The following DDX11 variants were observed in gnomAD, a reference collection of about 807,000 sequenced individuals.
The protein encoded by DDX11 is ATP-dependent DNA helicase DDX11.
DDX11 carries 72 observed loss-of-function variants against 125.2 expected under a neutral mutation model. The observed-to-expected ratio is 0.58, with a 90% CI of 0.48 to 0.70. The LOEUF is 0.70. DDX11 is among the 30% of genes least tolerant of loss of function. The probability of loss-of-function intolerance (pLI) is 0.00; values close to 1 mark genes in which losing one functional copy is unlikely to be tolerated. For missense variants in DDX11, 883 were observed against 1,165.0 expected (o/e 0.76, Z 3.52); for synonymous variants, 347 against 452.6 (o/e 0.77, Z 2.96).
At chr12:31,099,080 C>CTTTTTTTTTTTTTTTTTTTTTTTTTTTT (rs1467965765) in intron 18 of DDX11, among the ~76,000 whole-genome samples, 2 of 81,318 alleles carry the variant, frequency 2.5e-5, no homozygotes, top group African/African-American at 6.3e-5. Context: ...TTCTTTCTTT[C>CTTTTTTTTTTTTTTTTTTTTTTTTTTTT]TTTCTTTTTT....
At chr12:31,092,652 T>C (rs973393586) in intron 10 of DDX11, among the ~76,000 whole-genome samples, 194 bp from the exon 11 acceptor site, 1 of 152,158 alleles carries the variant, frequency 6.6e-6, no homozygotes, top group African/African-American at 2.4e-5. Context: ...AAACTTCCCT[T>C]CCTTCCCTTT....
chr12:31,097,243 G>A (rs1311902489), intron 17 of DDX11, among the ~76,000 whole-genome samples: 1 of 151,824 alleles, frequency 6.6e-6, no homozygotes, highest in East Asian at 1.9e-4. Flanking sequence ...CGAGGAGCTG[G>A]GATGGGGGTC....
At chr12:31,086,917 C>T (rs1049249183) in intron 5 of DDX11, among the ~76,000 whole-genome samples, 2 of 135,634 alleles carry the variant, frequency 1.5e-5, no homozygotes, top group Admixed American at 7.6e-5. Flanking sequence ...CTTTAGTGAC[C>T]ATGAAGCCAA....
rs763845152 is a variant in DDX11 at position 31,085,085 on chromosome 12, C to T, written c.597C>T (p.Leu199=). The T allele has an allele frequency of 5.7e-5, 90 of 1,591,108 alleles. No individual in the cohort carries two copies. Among genetic ancestry groups the T allele is most frequent in the South Asian group, 1.3e-4 (11 of 87,712 alleles). The change falls in exon 5 of 27, where the codon CTC becomes CTT. Residue 199 remains leucine, a synonymous_variant. Coordinates refer to ENST00000542838, the MANE Select transcript of DDX11 (RefSeq NM_030653.4). ...QLESGEEELV[L]AEYESDEEKK... ...AGTCTGGGGAGGAGGAGCTGGTCCT[C>T]GCCGAATACGAGAGTGATGAGGAGA...
At chr12:31,086,218 G>A (rs777799938) in intron 5 of DDX11, 11 of 438,632 alleles carry the variant, frequency 2.5e-5, no homozygotes, top group Admixed American at 1.7e-4. Flanking sequence ...CTCAGGTGTC[G>A]TCTTGGTGGC....
In DDX11 at chr12:31,096,686, A is replaced by G. The variant is rs781301437; in HGVS notation, c.1571A>G (p.Gln524Arg). The change falls in exon 16 of 27, where the codon CAG (glutamine) becomes CGG (arginine). Residue 524 changes from glutamine (Q) to arginine (R), a missense_variant. Gln to Arg is a conservative substitution (Grantham distance 43). This residue lies in a region of DDX11 where 241 missense variants were observed against 279.7 expected (regional missense o/e 0.86). Coordinates refer to ENST00000542838, the MANE Select transcript of DDX11 (RefSeq NM_030653.4). ...RYGAVFSSRE[Q>R]PKLAGFQQFL... Reference sequence around the variant, plus strand: ...GGAGCAGTGTTCTCATCCCGGGAGCAGCCCAAACTGGCTGGGTTTCAGCAA... The same window carrying G: ...GGAGCAGTGTTCTCATCCCGGGAGCGGCCCAAACTGGCTGGGTTTCAGCAA... The G allele has an allele frequency of 1.2e-6, 2 of 1,613,990 alleles. No individual in the cohort carries two copies. Among genetic ancestry groups the G allele is most frequent in the South Asian group, 2.2e-5 (2 of 91,072 alleles).
chr12:31,076,088 A>G (rs1279887433), intron 1 of DDX11, among the ~76,000 whole-genome samples: 3 of 152,176 alleles, frequency 2.0e-5, no homozygotes, highest in African/African-American at 7.2e-5. Flanking sequence ...GACCAGTCTC[A>G]GGCTGACCAG....
chr12:31,083,314 A>T (rs1201105623), intron 2 of DDX11, among the ~76,000 whole-genome samples: 1 of 144,028 alleles, frequency 6.9e-6, no homozygotes, highest in East Asian at 2.2e-4. Context: ...AGTTTGCTTA[A>T]AAAAAAAAAA....
intron 7 of DDX11, 124 bp from the exon 8 acceptor site, chr12:31,089,279 C>G (rs776671110): frequency 7.3e-7 from 1 of 1,363,654 alleles, no homozygotes; most frequent in South Asian, 1.2e-5. Context: ...GCAGCCCCCT[C>G]CCTGACCTGG....
In DDX11 at chr12:31,104,177, G is replaced by T; in HGVS notation, c.*341G>T. Reference sequence around the variant, plus strand: ...TGTGGCAGCTGTGGCATCCACTGTGGCATCTCCGTCCTGCCCACCTTCTTA... The same window carrying T: ...TGTGGCAGCTGTGGCATCCACTGTGTCATCTCCGTCCTGCCCACCTTCTTA... On this transcript the variant is annotated 3_prime_UTR_variant, in exon 27 of 27. Coordinates refer to ENST00000542838, the MANE Select transcript of DDX11 (RefSeq NM_030653.4). The T allele has an allele frequency of 1.4e-6, 2 of 1,379,872 alleles. No homozygotes were observed. Among genetic ancestry groups the T allele is most frequent in the Non-Finnish European group, 1.9e-6 (2 of 1,041,120 alleles). The allele number at this position is 1,379,872 out of a possible 1,614,324, so 85.5% of individuals were successfully genotyped here.
intron 1 of DDX11, among the ~76,000 whole-genome samples, chr12:31,075,745 G>A (rs1002656342): frequency 3.3e-5 from 5 of 152,236 alleles, no homozygotes; most frequent in Admixed American, 2.0e-4. Context: ...GAAGCACCTA[G>A]TTCTGAGTCC....
chr12:31,088,903 A>G (rs1318048322), intron 6 of DDX11, 141 bp from the exon 7 acceptor site: 9 of 712,280 alleles, frequency 1.3e-5, no homozygotes, highest in Non-Finnish European at 1.8e-5. Flanking sequence ...GACATGGGAC[A>G]TTGCTGTCCT....
intron 2 of DDX11, among the ~76,000 whole-genome samples, chr12:31,083,185 C>T (rs1369486594): frequency 6.6e-6 from 1 of 152,082 alleles, no homozygotes; most frequent in South Asian, 2.1e-4. Flanking sequence ...CCTATGGTCC[C>T]AGCCACTTGG....
At position 31,091,762 on chromosome 12, in the gene DDX11, G is replaced by A. The variant is rs368266910; in HGVS notation, c.1133G>A (p.Arg378Gln). Residue 378 changes from arginine to glutamine, a missense_variant, in exon 10 of 27, where the codon CGG becomes CAG. Physicochemically the swap from Arg to Gln is conservative, Grantham distance 43. Around this residue, in one of 5 missense-constraint regions of DDX11, gnomAD observed 72 missense variants for 159.7 expected, o/e 0.45. Coordinates refer to ENST00000542838, the MANE Select transcript of DDX11 (RefSeq NM_030653.4). ...CAGATGCTGCTGCATGCGGCCACTC[G>A]GCAGGCCGCGGGCATCCGGCTGCAG... ...PYQMLLHAAT[R>Q]QAAGIRLQDQ... The A allele has an allele frequency of 8.6e-5, 139 of 1,613,562 alleles. No homozygotes were observed. The highest frequency in any genetic ancestry group is 1.0e-4 in the Non-Finnish European group (119 of 1,179,812).
intron 14 of DDX11, among the ~76,000 whole-genome samples, chr12:31,095,114 T>G (rs1944992326): frequency 6.6e-6 from 1 of 152,190 alleles, no homozygotes; most frequent in Non-Finnish European, 1.5e-5. Flanking sequence ...CTCAGGCTTA[T>G]GGACAGGAAT....
rs569105550 is a variant in DDX11, at chr12:31,102,547, G to C, written c.2372+20G>C. ...AGGCCGGTAAGTAGTGGTTCTGCTC[G>C]TCTCCTGGGCCGTGATACATGGCCG... On this transcript the variant is annotated intron_variant, in intron 23 of 26. Coordinates refer to ENST00000542838, the MANE Select transcript of DDX11 (RefSeq NM_030653.4). 3.7e-6 allele frequency: 6 copies of C among 1,609,264 alleles called. No homozygotes were observed. The African/African-American group carries it at 4.0e-5, about 11-fold the overall frequency.
At chr12:31,079,925 T>C (rs1335858306) in intron 2 of DDX11, among the ~76,000 whole-genome samples, 1 of 151,636 alleles carries the variant, frequency 6.6e-6, no homozygotes, top group Non-Finnish European at 1.5e-5. Context: ...CTCCATCCTT[T>C]CCCTGTCATT....
At position 31,074,060 on chromosome 12, in the gene DDX11, T is replaced by A. The variant is rs1940334653; in HGVS notation, c.-36T>A. 1 of 152,180 alleles carries A rather than the reference T, an allele frequency of 6.6e-6. No homozygotes were observed. The highest frequency in any genetic ancestry group is 2.4e-5 in the African/African-American group (1 of 41,418). 9.4% of individuals were successfully genotyped at this position (152,180 alleles called of 1,614,324 possible). ...GACTGGTGAAATCGCAAACTGGGCG[T>A]CTGTTCCGGCGCCGGACCCCTATTT... On this transcript the variant is annotated 5_prime_UTR_variant, in exon 1 of 27. Coordinates refer to ENST00000542838, the MANE Select transcript of DDX11 (RefSeq NM_030653.4).
At chr12:31,097,334 G>A (rs1159103934) in intron 17 of DDX11, among the ~76,000 whole-genome samples, 1 of 152,080 alleles carries the variant, frequency 6.6e-6, no homozygotes, top group Middle Eastern at 3.2e-3. Context: ...TCATCTATGA[G>A]CCTTGTGATT....
Sources: allele counts gnomAD v4.1 joint callset (sites outside exome capture counted in the v4.1 genomes callset), GRCh38; gene constraint gnomAD v4.1.1; regional missense constraint gnomAD v4.1.1; transcripts MANE v1.5; gene names NCBI Gene and HGNC (gene_info 2026-07-23, HGNC 2026-07-21).